The following CTNNA3 variants were observed in gnomAD, a reference collection of about 807,000 sequenced individuals.
CTNNA3 encodes the protein catenin alpha 3, also known as catenin alpha-3.
Under a neutral mutation model 95.7 loss-of-function variants are expected in CTNNA3, and 76 were observed. The ratio of observed to expected loss-of-function variants is 0.79; its 90% CI spans 0.66 to 0.96. CTNNA3 has a LOEUF of 0.96. Ranked by LOEUF, CTNNA3 falls within the 40% of genes least tolerant of loss-of-function variation. The pLI is 0.00. For synonymous variants in CTNNA3, 431 were observed against 374.4 expected, an observed-to-expected ratio of 1.15 and a Z score of -1.74; for missense variants, 1,191 against 1,089.8, an observed-to-expected ratio of 1.09 and a Z score of -1.31.
At chr10:66,496,175 T>G (rs1840092842) in intron 11 of CTNNA3, among the ~76,000 whole-genome samples, 1 of 152,114 alleles carries the variant, frequency 6.6e-6, no homozygotes, top group South Asian at 2.1e-4. Flanking sequence ...ATTAAAACCT[T>G]TTACTCTAAG....
intron 9 of CTNNA3, among the ~76,000 whole-genome samples, chr10:66,720,316 TTGAC>T (rs781233394): frequency 2.0e-5 from 3 of 152,160 alleles, no homozygotes; most frequent in Admixed American, 6.5e-5. Flanking sequence ...CTCTATTTGG[TTGAC>T]TCCCAAGCTT....
intron 7 of CTNNA3, chr10:67,176,769 G>C (rs535827990): frequency 2.7e-6 from 1 of 371,592 alleles, no homozygotes; most frequent in East Asian, 7.2e-5. Context: ...GTCAGAGAAA[G>C]AGATGTGAGG....
At chr10:66,996,261 A>G (rs924483774) in intron 7 of CTNNA3, among the ~76,000 whole-genome samples, 27 of 152,228 alleles carry the variant, frequency 1.8e-4, no homozygotes, top group Non-Finnish European at 3.2e-4. Flanking sequence ...ATCTTGAATC[A>G]AAGCAATTAT....
chr10:67,747,852 T>G (rs1484071662), intron 1 of CTNNA3, among the ~76,000 whole-genome samples: 1 of 152,102 alleles, frequency 6.6e-6, no homozygotes, highest in Non-Finnish European at 1.5e-5. Flanking sequence ...GCAAAGAAGC[T>G]AAGAACCATG....
intron 11 of CTNNA3, among the ~76,000 whole-genome samples, chr10:66,382,430 G>C (rs1305361915): frequency 6.8e-6 from 1 of 146,448 alleles, no homozygotes. Context: ...TGGCCAGGAA[G>C]CTCGAACTAG....
At chr10:67,755,179 TG>T (rs551940014) in intron 1 of CTNNA3, among the ~76,000 whole-genome samples, 14 of 149,102 alleles carry the variant, frequency 9.4e-5, no homozygotes, top group Non-Finnish European at 1.8e-4. Flanking sequence ...GGTGACAGGA[TG>T]AGACCTTATC....
intron 10 of CTNNA3, among the ~76,000 whole-genome samples, chr10:66,556,415 T>C (rs1438003123): frequency 6.6e-6 from 1 of 152,100 alleles, no homozygotes; most frequent in Non-Finnish European, 1.5e-5. Context: ...TGTACCCCTA[T>C]GTTTATTGCA....
chr10:67,708,696 G>T (rs1841090986), intron 1 of CTNNA3, among the ~76,000 whole-genome samples: 1 of 152,096 alleles, frequency 6.6e-6, no homozygotes, highest in Non-Finnish European at 1.5e-5. Context: ...TTGTGCAAAT[G>T]TAAAGCAAGT....
chr10:66,619,266 G>A lies in CTNNA3; in HGVS notation c.1374+2426C>T, dbSNP rs559839224. Among the ~76,000 whole-genome samples, 33 of 151,560 alleles carry A rather than the reference G, an allele frequency of 2.2e-4. No homozygotes were observed. The South Asian group carries it at 6.7e-3, about 31-fold the overall frequency. On this transcript the variant is annotated intron_variant, in intron 10 of 17. Coordinates refer to ENST00000433211, the MANE Select transcript of CTNNA3 (RefSeq NM_013266.4). The stretch of plus-strand genomic sequence containing the variant: ...GCTATAAAGACACATGCACACGTAT[G>A]TTTATTGCAGCACTATTCACAATAG...
intron 10 of CTNNA3, among the ~76,000 whole-genome samples, chr10:66,607,822 A>G (rs1844183524): frequency 6.6e-6 from 1 of 152,180 alleles, no homozygotes; most frequent in African/African-American, 2.4e-5. Context: ...GTCATCTATG[A>G]CAAACACACA....
intron 13 of CTNNA3, among the ~76,000 whole-genome samples, chr10:66,133,292 A>G (rs1207532595): frequency 5.3e-5 from 8 of 152,140 alleles, no homozygotes; most frequent in Admixed American, 5.2e-4. Flanking sequence ...AGACAGGTGG[A>G]TTACTTGAGG....
At chr10:66,060,846 G>A (rs1226331400) in intron 15 of CTNNA3, among the ~76,000 whole-genome samples, 4 of 152,064 alleles carry the variant, frequency 2.6e-5, no homozygotes, top group Non-Finnish European at 5.9e-5. Flanking sequence ...TTAAATGAAT[G>A]TGTGAATACT....
chr10:67,385,365 T>G (rs1274886490), intron 5 of CTNNA3, among the ~76,000 whole-genome samples: 1 of 152,214 alleles, frequency 6.6e-6, no homozygotes, highest in Non-Finnish European at 1.5e-5. Context: ...CTCAGAAGTT[T>G]TCTTTCAGAA....
intron 11 of CTNNA3, among the ~76,000 whole-genome samples, chr10:66,407,601 G>A (rs184768067): frequency 0.013 from 1,997 of 149,082 alleles, 61 homozygotes; most frequent in African/African-American, 0.048. Context: ...TTTTTTTTGA[G>A]ACAGAGTCTC....
chr10:67,355,853 A>G (rs1331115771), intron 5 of CTNNA3, among the ~76,000 whole-genome samples: 1 of 152,024 alleles, frequency 6.6e-6, no homozygotes, highest in African/African-American at 2.4e-5. Flanking sequence ...GTACATATGC[A>G]TAATTCATAG....
chr10:67,243,697 C>CT (rs1442869131), intron 5 of CTNNA3, among the ~76,000 whole-genome samples: 1 of 152,180 alleles, frequency 6.6e-6, no homozygotes, highest in African/African-American at 2.4e-5. Flanking sequence ...CCACTGGTGC[C>CT]TTTGCATGAG....
intron 7 of CTNNA3, among the ~76,000 whole-genome samples, chr10:67,019,200 T>G (rs1852837613): frequency 6.6e-6 from 1 of 152,196 alleles, no homozygotes; most frequent in African/African-American, 2.4e-5. Context: ...CTTGCCACTT[T>G]TCTTTTTTTA....
At chr10:66,896,737 A>G (rs1010376253) in intron 7 of CTNNA3, among the ~76,000 whole-genome samples, 1 of 152,118 alleles carries the variant, frequency 6.6e-6, no homozygotes, top group Admixed American at 6.5e-5. Flanking sequence ...GCTAGCGTCC[A>G]TGCTCTCATT....
At chr10:67,176,484 G>A (rs1385341942) in intron 7 of CTNNA3, among the ~76,000 whole-genome samples, 1 of 152,170 alleles carries the variant, frequency 6.6e-6, no homozygotes, top group East Asian at 1.9e-4. Context: ...GTGTATGAGG[G>A]ATGCTGTCTA....
Sources: gnomAD v4.1 joint callset for allele counts (sites outside exome capture counted in the v4.1 genomes callset) on GRCh38, gnomAD v4.1.1 for gene constraint, MANE v1.5 for transcripts, NCBI Gene and HGNC (gene_info 2026-07-23, HGNC 2026-07-21) for gene names.